Variants in MYO3A observed in about 807,000 individuals in gnomAD.
MYO3A encodes the protein myosin IIIA.
MYO3A carries 180 observed loss-of-function variants against 192.7 expected under a neutral mutation model. That is an observed-to-expected ratio of 0.93 (90% confidence interval 0.83 to 1.06). The LOEUF is 1.06. Ranked by LOEUF, MYO3A falls within the 50% of genes least tolerant of loss-of-function variation. The probability of loss-of-function intolerance (pLI) is 0.00; values close to 1 mark genes in which losing one functional copy is unlikely to be tolerated. For missense variants in MYO3A, 1,896 were observed against 1,905.0 expected (o/e 1.00, Z 0.09); for synonymous variants, 628 against 645.3 (o/e 0.97, Z 0.41).
chr10:25,972,203 T>C (rs897582433), intron 4 of MYO3A, among the ~76,000 whole-genome samples: 6 of 152,172 alleles, frequency 3.9e-5, no homozygotes, highest in Admixed American at 2.0e-4. Flanking sequence ...AATTCAAATC[T>C]GTTGAGTCCC....
chr10:26,067,165 A>G, intron 11 of MYO3A, 91 bp downstream of exon 11: 1 of 817,062 alleles, frequency 1.2e-6, no homozygotes. Flanking sequence ...GAAGGAATAT[A>G]TAGATTATGA....
chr10:26,097,538 GC>G (rs1837125124), intron 17 of MYO3A, among the ~76,000 whole-genome samples: 1 of 141,274 alleles, frequency 7.1e-6, no homozygotes, highest in South Asian at 2.2e-4. Flanking sequence ...CCTCCCCCCT[GC>G]CCCCACCCCA....
chr10:26,078,944 TG>T (rs1419082320), intron 14 of MYO3A, among the ~76,000 whole-genome samples: 2 of 152,196 alleles, frequency 1.3e-5, no homozygotes, highest in African/African-American at 4.8e-5. Context: ...TGGTCTATCT[TG>T]GAGAAAGTTC....
chr10:26,203,700 A>G (rs1177167196), intron 34 of MYO3A, among the ~76,000 whole-genome samples: 9 of 152,228 alleles, frequency 5.9e-5, no homozygotes, highest in Non-Finnish European at 8.8e-5. Flanking sequence ...CTGGGTACAT[A>G]ATAAAACAAA....
At chr10:26,183,208 G>A (rs1416500737) in intron 31 of MYO3A, among the ~76,000 whole-genome samples, 2 of 152,156 alleles carry the variant, frequency 1.3e-5, no homozygotes, top group African/African-American at 4.8e-5. Context: ...AACCTTACCT[G>A]AACCTACCAG....
chr10:26,096,802 G>T, intron 17 of MYO3A, 120 bp downstream of exon 17: 1 of 703,450 alleles, frequency 1.4e-6, no homozygotes, highest in South Asian at 1.7e-5. Flanking sequence ...AATTGAAACA[G>T]CATTATGAAA....
chr10:26,205,417 C>T (rs1331607285), intron 34 of MYO3A, among the ~76,000 whole-genome samples: 1 of 149,004 alleles, frequency 6.7e-6, no homozygotes, highest in Non-Finnish European at 1.5e-5. Flanking sequence ...GTCCCGTGAC[C>T]AGTGCCCTGG....
intron 19 of MYO3A, 132 bp from the exon 20 acceptor site, chr10:26,128,256 TAAG>T (rs1439709987): frequency 1.2e-6 from 1 of 847,904 alleles, no homozygotes; most frequent in Non-Finnish European, 1.9e-6. Flanking sequence ...CTATTTCAGT[TAAG>T]AAAGTTTCAC....
At chr10:25,959,827 GTC>G in intron 4 of MYO3A, among the ~76,000 whole-genome samples, 1 of 144,388 alleles carries the variant, frequency 6.9e-6, no homozygotes, top group Admixed American at 7.0e-5. Context: ...GTGTGTGTGT[GTC>G]TGTGTGTGTA....
Position 26,026,366 on chromosome 10 carries a change from T to G in MYO3A, c.798-11T>G. The G allele has an allele frequency of 6.2e-7, 1 of 1,613,982 alleles. No individual in the cohort carries two copies. Among genetic ancestry groups the G allele is most frequent in the Non-Finnish European group, 8.5e-7 (1 of 1,179,910 alleles). On this transcript the variant is annotated splice_polypyrimidine_tract_variant and intron_variant, in intron 9 of 34. Coordinates refer to ENST00000642920, the MANE Select transcript of MYO3A (RefSeq NM_017433.5). Reference sequence around the variant, plus strand: ...TATCTAATAATTGCATGTTCTTTTTTGCCAGTGCAGGTGCTTGACTAAAGA... The same window carrying G: ...TATCTAATAATTGCATGTTCTTTTTGGCCAGTGCAGGTGCTTGACTAAAGA...
At chr10:26,081,864 G>A (rs1444316515) in intron 14 of MYO3A, among the ~76,000 whole-genome samples, 1 of 151,990 alleles carries the variant, frequency 6.6e-6, no homozygotes, top group Non-Finnish European at 1.5e-5. Flanking sequence ...GTGTGTTCGG[G>A]AGAGGAGGGT....
intron 3 of MYO3A, 47 bp from the exon 4 acceptor site, chr10:25,954,827 A>G (rs776090349): frequency 6.4e-7 from 1 of 1,573,088 alleles, no homozygotes; most frequent in South Asian, 1.1e-5. Context: ...CTTTGACATT[A>G]CTCATGGTTT....
intron 20 of MYO3A, among the ~76,000 whole-genome samples, chr10:26,131,829 A>C (rs1354352360): frequency 6.6e-6 from 1 of 152,182 alleles, no homozygotes; most frequent in East Asian, 1.9e-4. Flanking sequence ...TTAGATGGTA[A>C]TCTATGTCCC....
At chr10:26,011,860 A>T (rs1357056590) in intron 6 of MYO3A, among the ~76,000 whole-genome samples, 1 of 152,216 alleles carries the variant, frequency 6.6e-6, no homozygotes, top group African/African-American at 2.4e-5. Flanking sequence ...ACCAAATACT[A>T]GCTAACTGAA....
intron 2 of MYO3A, among the ~76,000 whole-genome samples, chr10:25,949,548 A>G (rs924493016): frequency 6.6e-6 from 1 of 152,136 alleles, no homozygotes; most frequent in Non-Finnish European, 1.5e-5. Flanking sequence ...GATGATTATT[A>G]CTGATTACCT....
chr10:26,204,773 G>A (rs1018829153), intron 34 of MYO3A, among the ~76,000 whole-genome samples: 1 of 152,196 alleles, frequency 6.6e-6, no homozygotes, highest in African/African-American at 2.4e-5. Flanking sequence ...ATAGAATAGT[G>A]CATAAGATGT....
intron 6 of MYO3A, among the ~76,000 whole-genome samples, chr10:26,000,513 A>G (rs1840726105): frequency 3.9e-5 from 6 of 152,214 alleles, no homozygotes; most frequent in Admixed American, 3.9e-4. Flanking sequence ...TAGCAAGGCT[A>G]TCTCCTGAGG....
intron 17 of MYO3A, among the ~76,000 whole-genome samples, chr10:26,109,380 A>G (rs946742539): frequency 3.3e-5 from 5 of 152,326 alleles, no homozygotes; most frequent in South Asian, 2.1e-4. Context: ...CTAGAAATAA[A>G]CAGTTTTAAA....
At chr10:25,997,870 C>T (rs146299174) in intron 6 of MYO3A, among the ~76,000 whole-genome samples, 4 of 152,128 alleles carry the variant, frequency 2.6e-5, no homozygotes, top group Admixed American at 2.6e-4. Context: ...AACTTTGGAG[C>T]CTACCTTATC....
Sources: allele counts gnomAD v4.1 joint callset (sites outside exome capture counted in the v4.1 genomes callset), GRCh38; gene constraint gnomAD v4.1.1; transcripts MANE v1.5; gene names NCBI Gene and HGNC (gene_info 2026-07-23, HGNC 2026-07-21).